Variants in CCNK observed in about 807,000 individuals in gnomAD.
CCNK encodes the protein cyclin-K.
A neutral mutation model predicts 65.0 loss-of-function variants in CCNK; 9 were observed. The observed-to-expected ratio is 0.14, with a 90% confidence interval of 0.08 to 0.24. The LOEUF (loss-of-function observed/expected upper bound fraction) is 0.24. Ranked by LOEUF, CCNK falls within the 10% of genes least tolerant of loss-of-function variation. CCNK has a pLI of 1.00. For missense variants in CCNK, 474 were observed against 720.0 expected, an observed-to-expected ratio of 0.66 and a Z score of 3.91; for synonymous variants, 279 against 270.8, an observed-to-expected ratio of 1.03 and a Z score of -0.30.
In CCNK at chr14:99,502,934, A is replaced by C. The variant is rs1346574897; in HGVS notation, c.961A>C (p.Lys321Gln). 1 of 1,613,736 alleles carries C rather than the reference A, an allele frequency of 6.2e-7. No homozygotes were observed. Among genetic ancestry groups the C allele is most frequent in the African/African-American group, 1.3e-5 (1 of 74,868 alleles). ...AQQQQPAQQP[K>Q]KPSPQPSSPR... ...GCAGCAGCAGCCAGCCCAACAGCCC[A>C]AGAAACCCTCTCCGCAGCCCAGTTC... is the stretch of plus-strand genomic sequence containing the variant. Residue 321 changes from lysine (K) to glutamine (Q), a missense_variant, in exon 8 of 11, where the codon AAG becomes CAG. This residue lies in a region of CCNK where 229 missense variants were observed against 275.5 expected (regional missense o/e 0.83). Transcript: ENST00000389879.
At chr14:99,502,064 CTT>C (rs55746165) in intron 6 of CCNK, 141 bp from the exon 7 acceptor site, 392,845 of 918,458 alleles carry the variant, frequency 0.43, 85,667 homozygotes, top group East Asian at 0.56. Flanking sequence ...AGAGTAAAGA[CTT>C]GAGTTTATTT....
At position 99,484,356 on chromosome 14, in the gene CCNK, AC is replaced by A. The variant is rs1199904694; in HGVS notation, c.-53+2883del. 2.0e-5 allele frequency among the ~76,000 whole-genome samples: 3 copies of A among 152,048 alleles called. No homozygotes were observed. The East Asian group carries it at 5.8e-4, about 29-fold the overall frequency. On this transcript the variant is annotated intron_variant, in intron 1 of 10. Coordinates refer to ENST00000389879, the MANE Select transcript of CCNK (RefSeq NM_001099402.2). ...GACATGTTACTGCATGTTAGTTACC[AC>A]CCCCCTCCCATGTGCTATGCACATC... is the stretch of plus-strand genomic sequence containing the variant.
chr14:99,495,007 T>A (rs982996611), intron 3 of CCNK: 2 of 152,472 alleles, frequency 1.3e-5, no homozygotes, highest in Non-Finnish European at 2.9e-5. Flanking sequence ...AAGCTATGAA[T>A]TAGGACATAA....
chr14:99,483,796 G>A (rs546265681), intron 1 of CCNK, among the ~76,000 whole-genome samples: 140 of 152,336 alleles, frequency 9.2e-4, no homozygotes, highest in Non-Finnish European at 7.6e-4. Flanking sequence ...TAAGCCTGGG[G>A]AGATGTCTTT....
intron 1 of CCNK, among the ~76,000 whole-genome samples, chr14:99,482,662 C>T (rs925988417): frequency 5.9e-5 from 9 of 152,132 alleles, no homozygotes; most frequent in African/African-American, 1.4e-4. Flanking sequence ...GATTTCTGGG[C>T]AAATCCTGTT....
rs911551772 is a variant in CCNK, at chr14:99,511,732, T to G, written c.*950T>G. ...AGCCTGCCCCCATCCTGTGCCTGCCTTGGTTTCCTTTGGAGGACCTGGTTG... is the reference window on the plus strand; with the variant it reads ...AGCCTGCCCCCATCCTGTGCCTGCCGTGGTTTCCTTTGGAGGACCTGGTTG... On this transcript the variant is annotated 3_prime_UTR_variant, in exon 11 of 11. Transcript: ENST00000389879. The G allele has an allele frequency of 6.5e-6, 1 of 152,746 alleles. No homozygotes were observed. The highest frequency in any genetic ancestry group is 1.5e-5 in the Non-Finnish European group (1 of 68,124). 9.5% of individuals were successfully genotyped at this position (152,746 alleles called of 1,614,324 possible).
chr14:99,502,614 T>A, intron 7 of CCNK, 105 bp from the exon 8 acceptor site: 1 of 1,252,354 alleles, frequency 8.0e-7, no homozygotes, highest in South Asian at 1.4e-5. Flanking sequence ...TAAATGTGAT[T>A]CATGCTTAGG....
At chr14:99,509,975 C>T in intron 10 of CCNK, 182 bp from the exon 11 acceptor site, 1 of 640,132 alleles carries the variant, frequency 1.6e-6, no homozygotes, top group Non-Finnish European at 2.7e-6. Flanking sequence ...GCCTTCTTGA[C>T]AGATGGTGGG....
chr14:99,481,669 G>A (rs930567057), intron 1 of CCNK, 190 bp downstream of exon 1: 3 of 390,054 alleles, frequency 7.7e-6, no homozygotes, highest in Middle Eastern at 6.3e-4. Context: ...GTGTAGAGAG[G>A]GTCTGAGGCG....
At position 99,510,799 on chromosome 14, in the gene CCNK, CT is replaced by C; in HGVS notation, c.*18del. 2.1e-6 allele frequency: 3 copies of C among 1,414,160 alleles called. No homozygotes were observed. The highest frequency in any genetic ancestry group is 2.8e-6 in the Non-Finnish European group (3 of 1,083,768). 87.6% of individuals were successfully genotyped at this position (1,414,160 alleles called of 1,614,324 possible). ...ATGAGATAACGTGAGCCTTTTTTCCCTCTTTGTTTTTTTAACAAGATTTTCT... is the reference window on the plus strand; with the variant it reads ...ATGAGATAACGTGAGCCTTTTTTCCCCTTTGTTTTTTTAACAAGATTTTCT... On this transcript the variant is annotated 3_prime_UTR_variant, in exon 11 of 11. Coordinates refer to ENST00000389879, the MANE Select transcript of CCNK (RefSeq NM_001099402.2).
chr14:99,483,034 A>C (rs1896393004), intron 1 of CCNK, among the ~76,000 whole-genome samples: 1 of 152,234 alleles, frequency 6.6e-6, no homozygotes, highest in Non-Finnish European at 1.5e-5. Flanking sequence ...GACTTTATAA[A>C]ATCGTTATTC....
chr14:99,483,758 A>G (rs1896414407), intron 1 of CCNK, among the ~76,000 whole-genome samples: 1 of 152,254 alleles, frequency 6.6e-6, no homozygotes, highest in Non-Finnish European at 1.5e-5. Context: ...AAATTACCAA[A>G]CCCGAAATGT....
chr14:99,489,077 T>C (rs1199762864), intron 1 of CCNK, among the ~76,000 whole-genome samples: 1 of 152,140 alleles, frequency 6.6e-6, no homozygotes, highest in African/African-American at 2.4e-5. Context: ...GATTTCAGAA[T>C]TAGGAGTGTC....
intron 9 of CCNK, 162 bp downstream of exon 9, chr14:99,503,806 T>C (rs1364550302): frequency 1.5e-5 from 9 of 611,562 alleles, no homozygotes; most frequent in Non-Finnish European, 2.3e-5. Context: ...GTTCATCACC[T>C]GATCATAGAT....
At chr14:99,499,020 G>C (rs1896761824) in intron 4 of CCNK, among the ~76,000 whole-genome samples, 1 of 152,150 alleles carries the variant, frequency 6.6e-6, no homozygotes, top group Non-Finnish European at 1.5e-5. Flanking sequence ...TGGTGACAAT[G>C]ACATTCAAAG....
chr14:99,488,338 C>G (rs1022792848), intron 1 of CCNK, among the ~76,000 whole-genome samples: 1 of 150,648 alleles, frequency 6.6e-6, no homozygotes, highest in African/African-American at 2.4e-5. Flanking sequence ...TTGTAGCCCT[C>G]TTTAGCCTTT....
intron 7 of CCNK, 57 bp downstream of exon 7, chr14:99,502,433 A>C: frequency 6.4e-7 from 1 of 1,574,398 alleles, no homozygotes; most frequent in African/African-American, 1.4e-5. Context: ...TGATTCTTCC[A>C]TGTGTACCCT....
At chr14:99,503,121 C>A in intron 8 of CCNK, 137 bp downstream of exon 8, 2 of 1,001,430 alleles carry the variant, frequency 2.0e-6, no homozygotes, top group Non-Finnish European at 3.1e-6. Context: ...AGTCCGACTG[C>A]TTGTCGGTGG....
In CCNK at chr14:99,510,346, G is replaced by C. The variant is rs1897095990; in HGVS notation, c.1307G>C (p.Ser436Thr). The C allele has an allele frequency of 1.5e-6, 2 of 1,326,966 alleles. No homozygotes were observed. Among genetic ancestry groups the C allele is most frequent in the Non-Finnish European group, 2.0e-6 (2 of 978,422 alleles). The allele number at this position is 1,326,966 out of a possible 1,614,324, so 82.2% of individuals were successfully genotyped here. A position where few individuals can be genotyped will look rare whatever the true frequency, so the allele number is the denominator to read the frequency against. ...SSYMTGMSTT[S>T]SYMSGEGYQS... ...TACATGACCGGGATGTCCACCACCA[G>C]CTCCTACATGTCTGGAGAGGGCTAC... Residue 436 changes from serine to threonine, a missense_variant, in exon 11 of 11, where the codon AGC (serine) becomes ACC (threonine). Physicochemically the swap from Ser to Thr is moderately conservative, Grantham distance 58. This residue lies in a region of CCNK where 229 missense variants were observed against 275.5 expected (regional missense o/e 0.83). Transcript: ENST00000389879.
Sources: gnomAD v4.1 joint callset for allele counts (sites outside exome capture counted in the v4.1 genomes callset) on GRCh38, gnomAD v4.1.1 for gene constraint, gnomAD v4.1.1 regional missense constraint, MANE v1.5 for transcripts, NCBI Gene and HGNC (gene_info 2026-07-23, HGNC 2026-07-21) for gene names.